Variants in DGKG observed in about 807,000 individuals in gnomAD.
DGKG encodes the protein DAG kinase gamma.
Under a neutral mutation model 105.3 loss-of-function variants are expected in DGKG, and 78 were observed. The observed-to-expected ratio is 0.74, with a 90% CI of 0.62 to 0.89. The LOEUF is 0.89. DGKG is among the 40% of genes least tolerant of loss of function. DGKG has a pLI of 0.00. For synonymous variants in DGKG, 346 were observed against 367.1 expected (o/e 0.94, Z 0.66); for missense variants, 958 against 1,020.1 (o/e 0.94, Z 0.83).
chr3:186,176,323 G>C (rs147790728), intron 22 of DGKG, among the ~76,000 whole-genome samples: 5 of 152,154 alleles, frequency 3.3e-5, no homozygotes, highest in African/African-American at 1.2e-4. Flanking sequence ...CTCAGGCGTG[G>C]CATATACAAG....
intron 21 of DGKG, among the ~76,000 whole-genome samples, chr3:186,192,253 C>T (rs983080004): frequency 6.6e-6 from 1 of 152,172 alleles, no homozygotes; most frequent in African/African-American, 2.4e-5. Flanking sequence ...AGGTGATCCA[C>T]CTGCCTTGAC....
At chr3:186,155,036 T>C (rs1240269477) in intron 24 of DGKG, among the ~76,000 whole-genome samples, 1 of 152,198 alleles carries the variant, frequency 6.6e-6, no homozygotes, top group African/African-American at 2.4e-5. Context: ...AGGCTCAGAT[T>C]ATGCCACCTA....
chr3:186,276,047 A>G (rs1392381228), intron 9 of DGKG, among the ~76,000 whole-genome samples: 3 of 151,990 alleles, frequency 2.0e-5, no homozygotes, highest in Non-Finnish European at 4.4e-5. Context: ...CCTTTGACTT[A>G]CCAATATCTC....
At chr3:186,358,194 A>G (rs574162878) in intron 1 of DGKG, among the ~76,000 whole-genome samples, 59 of 152,260 alleles carry the variant, frequency 3.9e-4, no homozygotes, top group African/African-American at 2.9e-4. Context: ...GGGGATACAG[A>G]AAAGGATTAG....
At position 186,155,777 on chromosome 3, in the gene DGKG, A is replaced by G. The variant is rs116230364; in HGVS notation, c.2278-5589T>C. Among the ~76,000 whole-genome samples the G allele has an allele frequency of 2.1e-3, 318 of 152,330 alleles. 3 individuals carry two copies. The highest frequency in any genetic ancestry group is 7.4e-3 in the African/African-American group (307 of 41,570). ...ACTGTTGATACTCTTGCCTCACTGT[A>G]TGAGTGTCCTGGTCTCCCCATACCC... On this transcript the variant is annotated intron_variant, in intron 24 of 24. Transcript: ENST00000265022.
chr3:186,288,678 A>T (rs1292143193), intron 6 of DGKG, 32 bp downstream of exon 6: 4 of 1,609,976 alleles, frequency 2.5e-6, no homozygotes, highest in Non-Finnish European at 3.4e-6. Flanking sequence ...TCTAGGAAAA[A>T]GCTGAAGCCC....
intron 3 of DGKG, among the ~76,000 whole-genome samples, chr3:186,298,722 GT>G (rs1723719919): frequency 6.6e-6 from 1 of 152,200 alleles, no homozygotes; most frequent in South Asian, 2.1e-4. Context: ...TGGTATCTTG[GT>G]TTCCCTCTTG....
chr3:186,205,772 C>A (rs1029474988), intron 21 of DGKG, among the ~76,000 whole-genome samples: 1 of 151,722 alleles, frequency 6.6e-6, no homozygotes, highest in Admixed American at 6.6e-5. Context: ...GTAAATAAGA[C>A]AAAATAATGA....
chr3:186,203,710 C>T lies in DGKG; in HGVS notation c.1917+8085G>A, dbSNP rs1319465841. Among the ~76,000 whole-genome samples, 1 of 152,166 alleles carries T rather than the reference C, an allele frequency of 6.6e-6. No individual in the cohort carries two copies. Among genetic ancestry groups the T allele is most frequent in the Non-Finnish European group, 1.5e-5 (1 of 68,034 alleles). ...ACCATTCTAGCCTTACTTTTGACTC[C>T]ATGGTTTGATATGTAATCAGGTTGG... On this transcript the variant is annotated intron_variant, in intron 21 of 24. Transcript: ENST00000265022. This position sits in a 1 kb window ranked among gnomAD's most constrained non-coding sequence, Gnocchi z 4.9.
rs1560173415 is a variant in DGKG, at chr3:186,361,030, CT to C, written c.-249+915del. On this transcript the variant is annotated intron_variant, in intron 1 of 24. Transcript: ENST00000265022. This position sits in a 1 kb window ranked among gnomAD's most constrained non-coding sequence, Gnocchi z 6.8. ...CGGCGCAGCCACAGATCGCTTCGCG[CT>C]GCAGCAGACGCTCCCGCCGCGGGGG... Among the ~76,000 whole-genome samples the C allele has an allele frequency of 6.6e-6, 1 of 152,256 alleles. No homozygotes were observed. The highest frequency in any genetic ancestry group is 1.5e-5 in the Non-Finnish European group (1 of 68,046).
chr3:186,311,481 A>G (rs1578817150), intron 2 of DGKG, among the ~76,000 whole-genome samples: 1 of 152,204 alleles, frequency 6.6e-6, no homozygotes. Flanking sequence ...GACTATCCAC[A>G]TACAGTTCTG....
At chr3:186,290,293 G>T (rs1195014823) in intron 5 of DGKG, among the ~76,000 whole-genome samples, 1 of 152,182 alleles carries the variant, frequency 6.6e-6, no homozygotes, top group Non-Finnish European at 1.5e-5. Flanking sequence ...GATAGGGGAG[G>T]TTGTAATAAA....
intron 1 of DGKG, among the ~76,000 whole-genome samples, chr3:186,358,506 T>TTGTGTGTGTGTGTG (rs142522791): frequency 0.13 from 19,555 of 149,944 alleles, 1,349 homozygotes; most frequent in African/African-American, 0.18. Flanking sequence ...TTCTAACCCT[T>TTGTGTGTGTGTGTG]TGTGTGTGTG....
chr3:186,175,590 T>G (rs1311177525), intron 22 of DGKG, among the ~76,000 whole-genome samples: 1 of 152,078 alleles, frequency 6.6e-6, no homozygotes, highest in Non-Finnish European at 1.5e-5. Context: ...GGAGCCTGCC[T>G]CTAAGAGAAG....
chr3:186,185,109 CAG>C (rs1355755867), intron 22 of DGKG, among the ~76,000 whole-genome samples: 1 of 152,314 alleles, frequency 6.6e-6, no homozygotes, highest in East Asian at 1.9e-4. Context: ...TAGCGACAGG[CAG>C]AGTCTGGACT....
chr3:186,260,438 C>A lies in DGKG; in HGVS notation c.1424+1G>T, dbSNP rs766970219. On this transcript the variant is annotated splice_donor_variant, in intron 16 of 24. Coordinates refer to ENST00000265022, the MANE Select transcript of DGKG (RefSeq NM_001346.3). LOFTEE classifies it high-confidence loss of function. ...AGAGGTAAAGATTGTGATCTCCATA[C>A]CCTGGAGTAGGCCCCCCATTGTCCA... 6.2e-7 allele frequency: 1 copy of A among 1,606,326 alleles called. No individual in the cohort carries two copies. Among genetic ancestry groups the A allele is most frequent in the Non-Finnish European group, 8.5e-7 (1 of 1,172,958 alleles).
At chr3:186,310,290 C>CAAAAAA (rs886723244) in intron 2 of DGKG, among the ~76,000 whole-genome samples, 3 of 69,816 alleles carry the variant, frequency 4.3e-5, no homozygotes, top group Non-Finnish European at 2.8e-5. Flanking sequence ...AAAAAAAAAA[C>CAAAAAA]CACACACACA....
intron 3 of DGKG, among the ~76,000 whole-genome samples, chr3:186,304,312 T>G (rs990487759): frequency 6.6e-6 from 1 of 152,248 alleles, no homozygotes; most frequent in Non-Finnish European, 1.5e-5. Context: ...TGGTTTCTCC[T>G]CAGGAATGTT....
chr3:186,183,279 G>T (rs974436300), intron 22 of DGKG, among the ~76,000 whole-genome samples: 9 of 152,022 alleles, frequency 5.9e-5, no homozygotes, highest in Non-Finnish European at 1.2e-4. Context: ...CCTTTCTCTG[G>T]GCCTTGATTT....
Sources: allele counts gnomAD v4.1 joint callset (sites outside exome capture counted in the v4.1 genomes callset), GRCh38; gene constraint gnomAD v4.1.1; non-coding constraint Gnocchi (gnomAD v3.1); transcripts MANE v1.5; gene names NCBI Gene and HGNC (gene_info 2026-07-23, HGNC 2026-07-21).